The following SLCO6A1 variants were observed in gnomAD, a reference collection of about 807,000 sequenced individuals.
SLCO6A1 encodes the protein cancer/testis antigen 48.
In SLCO6A1, 65 loss-of-function variants were observed where a neutral mutation model predicts 72.7. The ratio of observed to expected loss-of-function variants is 0.89; its 90% CI spans 0.73 to 1.10. SLCO6A1 has a LOEUF of 1.10. Ranked by LOEUF, SLCO6A1 falls within the 50% of genes least tolerant of loss-of-function variation. The pLI is 0.00. For synonymous variants in SLCO6A1, 314 were observed against 298.2 expected (o/e 1.05, Z -0.55); for missense variants, 874 against 872.6 (o/e 1.00, Z -0.02).
intron 9 of SLCO6A1, among the ~76,000 whole-genome samples, chr5:102,408,945 A>T (rs1422152432): frequency 1.3e-5 from 2 of 152,170 alleles, no homozygotes; most frequent in African/African-American, 4.8e-5. Flanking sequence ...TCCTCTTCAG[A>T]GATAAATAGA....
At chr5:102,395,718 T>C (rs189168452) in intron 10 of SLCO6A1, among the ~76,000 whole-genome samples, 91 of 152,308 alleles carry the variant, frequency 6.0e-4, no homozygotes, top group African/African-American at 2.1e-3. Flanking sequence ...TCCTGACTTT[T>C]TAATGATCAC....
At chr5:102,441,717 TA>T (rs1480814853) in intron 6 of SLCO6A1, among the ~76,000 whole-genome samples, 1 of 152,114 alleles carries the variant, frequency 6.6e-6, no homozygotes, top group East Asian at 1.9e-4. Flanking sequence ...TCATCTTTAA[TA>T]ATGTTGCATA....
intron 1 of SLCO6A1, among the ~76,000 whole-genome samples, chr5:102,481,950 G>A (rs1752216227): frequency 6.6e-6 from 1 of 152,096 alleles, no homozygotes; most frequent in African/African-American, 2.4e-5. Flanking sequence ...AAGAAGCCAC[G>A]AGCCAGATTT....
In SLCO6A1 at chr5:102,455,144, G is replaced by A. The variant is rs182475002; in HGVS notation, c.1131+3238C>T. On this transcript the variant is annotated intron_variant, in intron 6 of 13. Coordinates refer to ENST00000506729, the MANE Select transcript of SLCO6A1 (RefSeq NM_173488.5). ...TTTTATAATAGAGAAGAGAGACAAT[G>A]ACATTTTAAATAGATAGATTAGCAT... Among the ~76,000 whole-genome samples, 455 of 151,518 alleles carry A rather than the reference G, an allele frequency of 3.0e-3. 3 individuals are homozygous for A. Among genetic ancestry groups the A allele is most frequent in the African/African-American group, 0.011 (442 of 41,322 alleles).
intron 12 of SLCO6A1, among the ~76,000 whole-genome samples, chr5:102,374,226 A>G (rs1024221496): frequency 1.3e-5 from 2 of 151,964 alleles, no homozygotes; most frequent in Non-Finnish European, 2.9e-5. Flanking sequence ...TTGCTCTCTC[A>G]AACTTGTGAG....
At chr5:102,420,586 G>T (rs553239760) in intron 7 of SLCO6A1, among the ~76,000 whole-genome samples, 1 of 150,688 alleles carries the variant, frequency 6.6e-6, no homozygotes, top group African/African-American at 2.5e-5. Flanking sequence ...GAAAAAGGAG[G>T]GGGAGGAGGA....
chr5:102,416,586 G>C (rs1047450867), intron 8 of SLCO6A1, among the ~76,000 whole-genome samples: 1 of 151,940 alleles, frequency 6.6e-6, no homozygotes, highest in African/African-American at 2.4e-5. Context: ...AAGGTAAGGA[G>C]GTGAGAAGGT....
intron 4 of SLCO6A1, among the ~76,000 whole-genome samples, chr5:102,473,706 T>C (rs1362494951): frequency 1.4e-4 from 22 of 151,970 alleles, no homozygotes; most frequent in Non-Finnish European, 4.4e-5. Flanking sequence ...ATCTTATATA[T>C]AGAAAACCCT....
intron 9 of SLCO6A1, among the ~76,000 whole-genome samples, chr5:102,402,218 A>G (rs2112557068): frequency 6.6e-6 from 1 of 152,268 alleles, no homozygotes; most frequent in Non-Finnish European, 1.5e-5. Flanking sequence ...AAACAAGATT[A>G]CCAGGAAAGA....
At chr5:102,456,157 T>C (rs1250050436) in intron 6 of SLCO6A1, among the ~76,000 whole-genome samples, 1 of 152,182 alleles carries the variant, frequency 6.6e-6, no homozygotes, top group Admixed American at 6.5e-5. Context: ...TCATACTGAA[T>C]GGGCAAAAAC....
chr5:102,498,607 C>A lies in SLCO6A1; in HGVS notation c.238G>T (p.Glu80Ter). ...GGCTGCTCCAAACTGTCATCCACTT[C>A]TCCCGGCTTCTTGGAAACTGAGGAC... The part of the protein sequence containing the change: ...AKSSVSKKPG[E>*]VDDSLEQPCG... The change falls in exon 1 of 14, where the codon GAA becomes TAA. Residue 80 changes from glutamate (E) to a stop codon, truncating the protein, a stop_gained. Transcript: ENST00000506729. LOFTEE classifies it high-confidence loss of function. 6.2e-7 allele frequency: 1 copy of A among 1,614,270 alleles called. No homozygotes were observed.
chr5:102,427,888 G>A (rs1046043579), intron 7 of SLCO6A1, among the ~76,000 whole-genome samples: 1 of 35,620 alleles, frequency 2.8e-5, no homozygotes, highest in African/African-American at 9.0e-5. Flanking sequence ...TTTTTTTTTT[G>A]AGACCGAGTC....
intron 11 of SLCO6A1, among the ~76,000 whole-genome samples, chr5:102,389,650 A>G (rs796184028): frequency 2.6e-5 from 4 of 152,098 alleles, no homozygotes; most frequent in African/African-American, 9.6e-5. Context: ...TCAAGTTTAA[A>G]AAACAATTGA....
chr5:102,468,453 G>A (rs1751420735), intron 4 of SLCO6A1, among the ~76,000 whole-genome samples: 1 of 151,898 alleles, frequency 6.6e-6, no homozygotes, highest in African/African-American at 2.4e-5. Flanking sequence ...CTATTATTGT[G>A]TTGTCATCTA....
intron 13 of SLCO6A1, 21 bp downstream of exon 13, chr5:102,373,315 AT>A: frequency 1.4e-6 from 2 of 1,433,780 alleles, no homozygotes; most frequent in Non-Finnish European, 9.2e-7. Flanking sequence ...TCATTGATAG[AT>A]TGACAATGTG....
At position 102,480,381 on chromosome 5, in the gene SLCO6A1, G is replaced by A. The variant is rs1561496268; in HGVS notation, c.412C>T (p.Gln138Ter). Residue 138 changes from glutamine to a stop codon, truncating the protein, a stop_gained, in exon 2 of 14, where the codon CAA (glutamine) becomes TAA (stop). Coordinates refer to ENST00000506729, the MANE Select transcript of SLCO6A1 (RefSeq NM_173488.5). LOFTEE classifies it high-confidence loss of function. ...GCCAACTTCTCAATGGTTTTCAGTT[G>A]ATATTCCTTCTGAAAATCGCCAATG... ...VSIGDFQKEY[Q>*]LKTIEKLALE... The A allele has an allele frequency of 6.2e-7, 1 of 1,613,202 alleles. No homozygotes were observed. The highest frequency in any genetic ancestry group is 1.7e-5 in the Admixed American group (1 of 59,890).
chr5:102,446,610 G>A (rs1750122625), intron 6 of SLCO6A1, among the ~76,000 whole-genome samples: 1 of 152,164 alleles, frequency 6.6e-6, no homozygotes, highest in Non-Finnish European at 1.5e-5. Context: ...CAGGAGTGGT[G>A]AGAGAGGGCA....
In SLCO6A1 at chr5:102,459,794, T is replaced by C; in HGVS notation, c.900-17A>G. ...ACTGTAGTGCTTTAATAAAGAAAAG[T>C]GAAAAAAAAAAGCAACTTTAGGTAT... On this transcript the variant is annotated splice_polypyrimidine_tract_variant and intron_variant, in intron 4 of 13. Coordinates refer to ENST00000506729, the MANE Select transcript of SLCO6A1 (RefSeq NM_173488.5). The C allele has an allele frequency of 1.3e-6, 2 of 1,538,074 alleles. No individual in the cohort carries two copies. The highest frequency in any genetic ancestry group is 2.4e-5 in the East Asian group (1 of 42,352).
chr5:102,461,808 T>C (rs1751053758), intron 4 of SLCO6A1, among the ~76,000 whole-genome samples: 1 of 152,116 alleles, frequency 6.6e-6, no homozygotes, highest in African/African-American at 2.4e-5. Context: ...TTTACAAAAG[T>C]ACTGGAGAAA....
Sources: gnomAD v4.1 joint callset for allele counts (sites outside exome capture counted in the v4.1 genomes callset) on GRCh38, gnomAD v4.1.1 for gene constraint, MANE v1.5 for transcripts, NCBI Gene and HGNC (gene_info 2026-07-23, HGNC 2026-07-21) for gene names.